TENM3: variants seen among roughly 807,000 people sequenced by gnomAD.
TENM3 encodes teneurin-3.
In TENM3, 63 loss-of-function variants were observed where a neutral mutation model predicts 255.1. That is an observed-to-expected ratio of 0.25 (90% CI 0.20 to 0.30). TENM3 has a LOEUF of 0.30. Ranked by LOEUF, TENM3 falls within the 10% of genes least tolerant of loss-of-function variation. TENM3 has a pLI of 1.00. For missense variants in TENM3, 2,929 were observed against 3,461.1 expected (o/e 0.85, Z 3.86); for synonymous variants, 1,306 against 1,322.3 (o/e 0.99, Z 0.27).
chr4:181,770,674 C>CAAA, the TENM3 span, among the ~76,000 whole-genome samples: 32 of 76,586 alleles, frequency 4.2e-4, no homozygotes, highest in South Asian at 5.4e-4. Flanking sequence ...GACTCTGTCT[C>CAAA]AAAAAAAAAA....
intron 1 of TENM3, among the ~76,000 whole-genome samples, chr4:182,289,729 C>T (rs985738383): frequency 6.6e-6 from 1 of 151,898 alleles, no homozygotes; most frequent in Non-Finnish European, 1.5e-5. Flanking sequence ...GTATCTGAGG[C>T]TTAGAGGTGT....
the TENM3 span, among the ~76,000 whole-genome samples, chr4:181,477,072 A>G: frequency 1.6e-4 from 22 of 136,482 alleles, no homozygotes; most frequent in East Asian, 3.5e-3. Flanking sequence ...CAATTCATTC[A>G]TTCATTCATT....
At chr4:182,412,355 G>T (rs187045599) in intron 3 of TENM3, among the ~76,000 whole-genome samples, 3 of 152,216 alleles carry the variant, frequency 2.0e-5, no homozygotes, top group Admixed American at 2.0e-4. Flanking sequence ...CCACCAAACA[G>T]CAAGAGGTAA....
intron 1 of TENM3, among the ~76,000 whole-genome samples, chr4:182,160,613 C>T (rs892817585): frequency 1.3e-5 from 2 of 152,132 alleles, no homozygotes. Flanking sequence ...CGTAGGATCT[C>T]GCTCACATGT....
chr4:182,642,692 A>G (rs1752418344), intron 5 of TENM3, among the ~76,000 whole-genome samples: 2 of 152,206 alleles, frequency 1.3e-5, no homozygotes, highest in Non-Finnish European at 2.9e-5. Context: ...GTTCGTTCAT[A>G]AAGCCTATAC....
chr4:182,731,630 G>A (rs1329413890), intron 16 of TENM3, among the ~76,000 whole-genome samples: 5 of 150,614 alleles, frequency 3.3e-5, no homozygotes, highest in Non-Finnish European at 7.4e-5. Context: ...AAAAAACCAC[G>A]GATTATAGAA....
At chr4:182,572,490 A>C (rs1580981400) in intron 3 of TENM3, among the ~76,000 whole-genome samples, 1 of 152,194 alleles carries the variant, frequency 6.6e-6, no homozygotes, top group African/African-American at 2.4e-5. Context: ...GTCTACATTT[A>C]ATTAATAGTA....
At chr4:182,352,499 A>G (rs897304985) in intron 3 of TENM3, among the ~76,000 whole-genome samples, 2 of 152,138 alleles carry the variant, frequency 1.3e-5, no homozygotes, top group Non-Finnish European at 2.9e-5. Flanking sequence ...TTCCAAGAAG[A>G]CTTCATTTCT....
the TENM3 span, among the ~76,000 whole-genome samples, chr4:181,693,087 A>T: frequency 6.6e-6 from 1 of 152,300 alleles, no homozygotes; most frequent in South Asian, 2.1e-4. Flanking sequence ...GTTTTGCTAC[A>T]TGGATAATTT....
At chr4:181,712,730 T>A in the TENM3 span, among the ~76,000 whole-genome samples, 3 of 152,220 alleles carry the variant, frequency 2.0e-5, no homozygotes, top group South Asian at 2.1e-4. Flanking sequence ...TATATGAAGA[T>A]CTTGGCTTAT....
the TENM3 span, among the ~76,000 whole-genome samples, chr4:182,110,988 T>C: frequency 6.6e-6 from 1 of 152,196 alleles, no homozygotes; most frequent in Non-Finnish European, 1.5e-5. Context: ...TGGAAAGTGC[T>C]GTTGTTAGCA....
intron 1 of TENM3, among the ~76,000 whole-genome samples, chr4:182,208,587 G>A (rs1213773998): frequency 6.6e-6 from 1 of 152,190 alleles, no homozygotes; most frequent in Non-Finnish European, 1.5e-5. Context: ...TTGTGGGGGA[G>A]AGTTGACATT....
chr4:181,539,358 C>A, the TENM3 span, among the ~76,000 whole-genome samples: 1 of 151,982 alleles, frequency 6.6e-6, no homozygotes, highest in Non-Finnish European at 1.5e-5. Flanking sequence ...GAAACATTGC[C>A]AATATTATTT....
intron 13 of TENM3, among the ~76,000 whole-genome samples, chr4:182,728,062 T>A (rs1214877909): frequency 6.6e-6 from 1 of 152,094 alleles, no homozygotes; most frequent in Non-Finnish European, 1.5e-5. Context: ...TTGGCCAGGC[T>A]GGTCTCGAAC....
chr4:182,590,516 G>A (rs1240741175), intron 3 of TENM3, among the ~76,000 whole-genome samples: 1 of 116,862 alleles, frequency 8.6e-6, no homozygotes, highest in African/African-American at 3.2e-5. Flanking sequence ...CACATGCCCA[G>A]CAATAGAGCG....
chr4:182,750,332 A>G (rs1762284590), intron 19 of TENM3, among the ~76,000 whole-genome samples: 1 of 152,192 alleles, frequency 6.6e-6, no homozygotes, highest in African/African-American at 2.4e-5. Context: ...AAGGACATAC[A>G]AAGCTCAAGC....
the TENM3 span, among the ~76,000 whole-genome samples, chr4:181,467,095 G>GTATATATA: frequency 2.8e-5 from 2 of 71,808 alleles, no homozygotes; most frequent in Non-Finnish European, 5.2e-5. Flanking sequence ...GTGTGTGTGT[G>GTATATATA]TGTGTGTGTA....
At chr4:182,125,542 ATCTTGGG>A in the TENM3 span, among the ~76,000 whole-genome samples, 2 of 152,156 alleles carry the variant, frequency 1.3e-5, no homozygotes, top group Admixed American at 6.5e-5. Flanking sequence ...CAGCATGGAG[ATCTTGGG>A]CCATCTTGAC....
chr4:182,719,702 T>C (rs1350698224), intron 13 of TENM3, among the ~76,000 whole-genome samples: 2 of 151,776 alleles, frequency 1.3e-5, no homozygotes, highest in Non-Finnish European at 2.9e-5. Flanking sequence ...TATTCAGAAA[T>C]AAGAAAGATA....
Sources: gnomAD v4.1 joint callset for allele counts (sites outside exome capture counted in the v4.1 genomes callset) on GRCh38, gnomAD v4.1.1 for gene constraint, MANE v1.5 for transcripts, NCBI Gene and HGNC (gene_info 2026-07-23, HGNC 2026-07-21) for gene names.